PPP1R12C: variants seen among roughly 807,000 people sequenced by gnomAD.
PPP1R12C encodes the protein protein phosphatase 1 regulatory subunit 12C.
In PPP1R12C, 48 loss-of-function variants were observed where a neutral mutation model predicts 95.6. The observed-to-expected ratio is 0.50, with a 90% CI of 0.40 to 0.64. PPP1R12C has a LOEUF of 0.64. Among genes scored for constraint, PPP1R12C ranks in the 30% least tolerant of loss-of-function variants. PPP1R12C has a pLI of 0.00. For synonymous variants in PPP1R12C, 480 were observed against 460.8 expected (o/e 1.04, Z -0.53); for missense variants, 1,057 against 1,083.3 (o/e 0.98, Z 0.34).
chr19:55,099,106 G>A lies in PPP1R12C; in HGVS notation c.732-11C>T. 6.6e-7 allele frequency: 1 copy of A among 1,519,706 alleles called. No homozygotes were observed. Among genetic ancestry groups the A allele is most frequent in the Non-Finnish European group, 8.8e-7 (1 of 1,131,382 alleles). The allele number at this position is 1,519,706 out of a possible 1,614,324, so 94.1% of individuals were successfully genotyped here. ...GCCTGAAGGAGCAACCTGGGGGCCA[G>A]GGAGGCTCAGGGTCAGAGGCCAAGG... is the stretch of plus-strand genomic sequence containing the variant. On this transcript the variant is annotated splice_polypyrimidine_tract_variant and intron_variant, in intron 4 of 21. Coordinates refer to ENST00000263433, the MANE Select transcript of PPP1R12C (RefSeq NM_017607.4).
chr19:55,116,504 C>T (rs1358292433), intron 1 of PPP1R12C, among the ~76,000 whole-genome samples: 1 of 151,274 alleles, frequency 6.6e-6, no homozygotes, highest in Non-Finnish European at 1.5e-5. Context: ...TAGAGGTGAC[C>T]CAGGCCACAA....
chr19:55,095,741 T>C lies in PPP1R12C; in HGVS notation c.1227+126A>G. On this transcript the variant is annotated intron_variant, in intron 9 of 21. Transcript: ENST00000263433. ...GGCACAGCCTAAAAAGGAAGCCGGT[T>C]GTCCAGGACGACTCTGGGAACTATA... is the stretch of plus-strand genomic sequence containing the variant. The C allele has an allele frequency of 4.6e-6, 7 of 1,517,294 alleles. No individual in the cohort carries two copies. The Admixed American group carries it at 8.7e-5, about 19-fold the overall frequency. 94.0% of individuals were successfully genotyped at this position (1,517,294 alleles called of 1,614,324 possible).
intron 3 of PPP1R12C, among the ~76,000 whole-genome samples, chr19:55,106,143 G>A (rs1469864116): frequency 2.0e-5 from 3 of 152,164 alleles, no homozygotes; most frequent in Non-Finnish European, 4.4e-5. Flanking sequence ...GTGGTGCCAG[G>A]CATGGTGTGT....
chr19:55,102,542 C>G (rs1380089316), intron 4 of PPP1R12C, among the ~76,000 whole-genome samples: 1 of 152,108 alleles, frequency 6.6e-6, no homozygotes, highest in South Asian at 2.1e-4. Context: ...TATATATGCA[C>G]CAAATAATCT....
At chr19:55,108,125 G>A (rs1293406931) in intron 3 of PPP1R12C, among the ~76,000 whole-genome samples, 1 of 151,662 alleles carries the variant, frequency 6.6e-6, no homozygotes, top group Non-Finnish European at 1.5e-5. Flanking sequence ...CAGCAGAGAC[G>A]GGGTTTCACC....
At chr19:55,097,619 C>G (rs1212913125) in intron 6 of PPP1R12C, among the ~76,000 whole-genome samples, 2 of 90,256 alleles carry the variant, frequency 2.2e-5, no homozygotes, top group Non-Finnish European at 4.8e-5. Context: ...CCCTTCCCCG[C>G]GCAGTTCACC....
rs1014750454 is a variant in PPP1R12C, at chr19:55,091,766, C to A, written c.2212-66G>T. 4 of 1,612,294 alleles carry A rather than the reference C, an allele frequency of 2.5e-6. No individual in the cohort carries two copies. The African/African-American group carries it at 5.3e-5, about 22-fold the overall frequency. ...AGGAGGGCAGGGGAAGGCCAGGGGC[C>A]AGCTGGGAAGGGCAATGTGGCTCCC... On this transcript the variant is annotated intron_variant, in intron 20 of 21. Coordinates refer to ENST00000263433, the MANE Select transcript of PPP1R12C (RefSeq NM_017607.4).
chr19:55,113,764 G>T, intron 1 of PPP1R12C: 1 of 361,636 alleles, frequency 2.8e-6, no homozygotes, highest in African/African-American at 2.1e-5. Context: ...GGCCGCACGT[G>T]CCCTGGGAAC....
rs200033217 is a variant in PPP1R12C at position 55,092,357 on chromosome 19, A to C, written c.2056-31T>G. ...GGTCAGGTAGAGGAGGGTCAGGTGG[A>C]GGATGGGGCGATGCTGGGGGGGCGG... is the stretch of plus-strand genomic sequence containing the variant. On this transcript the variant is annotated intron_variant, in intron 18 of 21. Transcript: ENST00000263433. 21 of 1,341,830 alleles carry C rather than the reference A, an allele frequency of 1.6e-5. No homozygotes were observed. In the Admixed American group the frequency reaches 3.7e-4, roughly 24 times the overall value. The allele number at this position is 1,341,830 out of a possible 1,614,324, so 83.1% of individuals were successfully genotyped here.
At chr19:55,115,527 A>T (rs1394166338) in intron 1 of PPP1R12C, 1 of 152,262 alleles carries the variant, frequency 6.6e-6, no homozygotes, top group Non-Finnish European at 1.5e-5. Flanking sequence ...CGGGCAGGTC[A>T]CGCATCCCCC....
chr19:55,115,722 A>G (rs1383151407), intron 1 of PPP1R12C, among the ~76,000 whole-genome samples: 3 of 152,216 alleles, frequency 2.0e-5, no homozygotes, highest in African/African-American at 4.8e-5. Context: ...AGGAAGGAGG[A>G]GGCCTAAGGA....
chr19:55,092,290 G>A lies in PPP1R12C; in HGVS notation c.2092C>T (p.Arg698Cys), dbSNP rs765270058. The A allele has an allele frequency of 9.6e-5, 153 of 1,600,320 alleles. No individual in the cohort carries two copies. The highest frequency in any genetic ancestry group is 1.7e-4 in the Middle Eastern group (1 of 6,026). The change falls in exon 19 of 22, where the codon CGC (arginine) becomes TGC (cysteine). Residue 698 changes from arginine (R) to cysteine (C), a missense_variant. Arg to Cys is a radical substitution (Grantham distance 180, BLOSUM62 -3). Coordinates refer to ENST00000263433, the MANE Select transcript of PPP1R12C (RefSeq NM_017607.4). Reference sequence around the variant, plus strand: ...AGCGTGGTCTCGGTCAGGGCCTCGCGAAGCCGCTCGTTCTCCCTGCGCAGC... The same window carrying A: ...AGCGTGGTCTCGGTCAGGGCCTCGCAAAGCCGCTCGTTCTCCCTGCGCAGC... ...AELRRENERL[R>C]EALTETTLRL...
rs185676209 is a variant in PPP1R12C, at chr19:55,109,615, G to A, written c.571+2852C>T. On this transcript the variant is annotated intron_variant, in intron 3 of 21. Transcript: ENST00000263433. This position sits in a 1 kb window ranked among gnomAD's most constrained non-coding sequence, Gnocchi z 4.4. ...AAACAGCAAGTAAGCCAGGGAAAGC[G>A]AAGGGGATGGTCGTGCCTGAGGCCG... Among the ~76,000 whole-genome samples the A allele has an allele frequency of 4.1e-3, 629 of 152,394 alleles. 5 individuals are homozygous for A. The highest frequency in any genetic ancestry group is 0.027 in the Middle Eastern group (8 of 294).
chr19:55,091,428 C>T lies in PPP1R12C; in HGVS notation c.*44G>A, dbSNP rs1307083518. The T allele has an allele frequency of 1.9e-6, 3 of 1,561,210 alleles. No homozygotes were observed. Among genetic ancestry groups the T allele is most frequent in the Non-Finnish European group, 8.8e-7 (1 of 1,136,156 alleles). ...CACACGGGGGAAGGGGTGCGTGTGG[C>T]AGAAGCAGCTGTATAAATACGGGTG... On this transcript the variant is annotated 3_prime_UTR_variant, in exon 22 of 22. Coordinates refer to ENST00000263433, the MANE Select transcript of PPP1R12C (RefSeq NM_017607.4).
intron 13 of PPP1R12C, 39 bp from the exon 14 acceptor site, chr19:55,093,272 A>T: frequency 6.3e-7 from 1 of 1,586,056 alleles, no homozygotes; most frequent in Non-Finnish European, 8.6e-7. Context: ...CGCTGGGGTC[A>T]GGGCCCAGCC....
intron 1 of PPP1R12C, chr19:55,113,343 G>T: frequency 7.6e-7 from 1 of 1,324,080 alleles, no homozygotes; most frequent in South Asian, 1.6e-5. Flanking sequence ...TGCTGGGACA[G>T]ACTCAGGGGC....
chr19:55,094,952 C>A, intron 11 of PPP1R12C, 154 bp from the exon 12 acceptor site: 1 of 905,684 alleles, frequency 1.1e-6, no homozygotes, highest in Non-Finnish European at 1.7e-6. Flanking sequence ...CATGAAAAGA[C>A]CAGCACACTA....
In PPP1R12C at chr19:55,112,656, T is replaced by G. The variant is rs746348555; in HGVS notation, c.452+9A>C. 1 of 1,613,362 alleles carries G rather than the reference T, an allele frequency of 6.2e-7. No individual in the cohort carries two copies. The highest frequency in any genetic ancestry group is 1.3e-5 in the African/African-American group (1 of 74,860). ...CGACCAGGTCCTGCCCGGCCCTCCC[T>G]TGCCTCACCTGGCGATATCTAGGTA... is the stretch of plus-strand genomic sequence containing the variant. On this transcript the variant is annotated intron_variant, in intron 2 of 21. Coordinates refer to ENST00000263433, the MANE Select transcript of PPP1R12C (RefSeq NM_017607.4).
chr19:55,095,602 T>C lies in PPP1R12C; in HGVS notation c.1229A>G (p.Gln410Arg). Residue 410 changes from glutamine (Q) to arginine (R), a missense_variant and splice_region_variant, in exon 10 of 22, where the codon CAG (glutamine) becomes CGG (arginine). By Grantham distance (43) the Gln-to-Arg change is conservative (BLOSUM62 1). This residue lies in a region of PPP1R12C where 356 missense variants were observed against 330.5 expected (regional missense o/e 1.08). Coordinates refer to ENST00000263433, the MANE Select transcript of PPP1R12C (RefSeq NM_017607.4). ...PPHPSPKSPV[Q>R]LEEAPFSRRF... is the part of the protein sequence containing the mutation. Reference sequence around the variant, plus strand: ...CCTGGAGAAGGGGGCCTCTTCAAGCTGCTGGGAGAAGGAGGAGGTCTCAGT... The same window carrying C: ...CCTGGAGAAGGGGGCCTCTTCAAGCCGCTGGGAGAAGGAGGAGGTCTCAGT... 3 of 1,557,150 alleles carry C rather than the reference T, an allele frequency of 1.9e-6. No homozygotes were observed. The highest frequency in any genetic ancestry group is 1.2e-5 in the South Asian group (1 of 81,352).
Sources: gnomAD v4.1 joint callset for allele counts (sites outside exome capture counted in the v4.1 genomes callset) on GRCh38, gnomAD v4.1.1 for gene constraint, gnomAD v4.1.1 regional missense constraint, Gnocchi (gnomAD v3.1) non-coding constraint, MANE v1.5 for transcripts, NCBI Gene and HGNC (gene_info 2026-07-23, HGNC 2026-07-21) for gene names.